The following CYRIA variants were observed in gnomAD, a reference collection of about 807,000 sequenced individuals.
CYRIA encodes CYFIP related Rac1 interactor A, also known as CYFIP-related Rac1 interactor A.
CYRIA carries 15 observed loss-of-function variants against 43.9 expected under a neutral mutation model. The ratio of observed to expected loss-of-function variants is 0.34; its 90% CI spans 0.23 to 0.53. The LOEUF (loss-of-function observed/expected upper bound fraction) is 0.53, where lower values mean the gene tolerates loss of function less well. CYRIA is among the 20% of genes least tolerant of loss of function. CYRIA has a pLI of 0.94. For synonymous variants in CYRIA, 117 were observed against 136.0 expected, an observed-to-expected ratio of 0.86 and a Z score of 0.97; for missense variants, 236 against 394.2, an observed-to-expected ratio of 0.60 and a Z score of 3.40.
chr2:16,643,666 C>T (rs1035679417), intron 1 of CYRIA, among the ~76,000 whole-genome samples: 5 of 152,230 alleles, frequency 3.3e-5, no homozygotes, highest in South Asian at 2.1e-4. Flanking sequence ...TATCTGTATT[C>T]GCCCACAATC....
At chr2:16,606,357 C>A (rs1433197633) in intron 2 of CYRIA, among the ~76,000 whole-genome samples, 1 of 151,082 alleles carries the variant, frequency 6.6e-6, no homozygotes, top group Non-Finnish European at 1.5e-5. Flanking sequence ...CTTCCCGATG[C>A]CCTTCTCTTG....
intron 1 of CYRIA, among the ~76,000 whole-genome samples, chr2:16,660,336 C>T (rs567536813): frequency 1.3e-5 from 2 of 152,272 alleles, no homozygotes; most frequent in African/African-American, 2.4e-5. Flanking sequence ...CCAGGACAAG[C>T]GTGTTTCTGT....
chr2:16,570,720 C>T (rs950768239), intron 3 of CYRIA, among the ~76,000 whole-genome samples: 2 of 152,134 alleles, frequency 1.3e-5, no homozygotes, highest in African/African-American at 4.8e-5. Context: ...CTTGGCTTTT[C>T]TATTTTTAAC....
At chr2:16,655,056 C>T (rs1011531519) in intron 1 of CYRIA, among the ~76,000 whole-genome samples, 4 of 152,226 alleles carry the variant, frequency 2.6e-5, no homozygotes, top group Middle Eastern at 3.4e-3. Context: ...GAAAGAGGGA[C>T]GAGGCCTTGA....
chr2:16,605,738 A>G (rs1339627257), intron 2 of CYRIA, among the ~76,000 whole-genome samples: 4 of 152,362 alleles, frequency 2.6e-5, no homozygotes, highest in Non-Finnish European at 4.4e-5. Flanking sequence ...AATTCGCTTA[A>G]ACAGGCTGTC....
intron 2 of CYRIA, among the ~76,000 whole-genome samples, chr2:16,590,993 T>C (rs1436385896): frequency 6.6e-6 from 1 of 152,130 alleles, no homozygotes; most frequent in Non-Finnish European, 1.5e-5. Flanking sequence ...TATTTTTAAT[T>C]GGACCCAGAG....
At chr2:16,656,281 T>C (rs1670110390) in intron 1 of CYRIA, among the ~76,000 whole-genome samples, 1 of 151,652 alleles carries the variant, frequency 6.6e-6, no homozygotes, top group Admixed American at 6.6e-5. Context: ...CATCCACATA[T>C]CCACACCCAC....
rs563412083 is a variant in CYRIA, at chr2:16,559,655, T to C, written c.711-69A>G. ...CATGTGCGTTCTTTGGCCCCACAAC[T>C]GGATACTTTAGATGCCTCCAATCCT... On this transcript the variant is annotated intron_variant, in intron 9 of 11. Coordinates refer to ENST00000381323, the MANE Select transcript of CYRIA (RefSeq NM_030797.4). 122 of 1,562,278 alleles carry C rather than the reference T, an allele frequency of 7.8e-5. No homozygotes were observed. The African/African-American group carries it at 1.5e-3, about 20-fold the overall frequency.
chr2:16,639,046 T>C (rs1487664838), intron 1 of CYRIA, among the ~76,000 whole-genome samples: 2 of 152,240 alleles, frequency 1.3e-5, no homozygotes, highest in Admixed American at 1.3e-4. Flanking sequence ...ATCTCAGAAC[T>C]TTAAAATATC....
At chr2:16,621,334 C>T (rs1209988422) in intron 2 of CYRIA, among the ~76,000 whole-genome samples, 1 of 152,202 alleles carries the variant, frequency 6.6e-6, no homozygotes, top group Admixed American at 6.5e-5. Flanking sequence ...CAACTGTTTA[C>T]ATCAACCTAC....
intron 1 of CYRIA, chr2:16,625,670 G>T (rs1669140136): frequency 6.6e-6 from 1 of 152,184 alleles, no homozygotes; most frequent in South Asian, 2.1e-4. Context: ...CTCAGGTGTA[G>T]ACATGGAAGG....
intron 1 of CYRIA, among the ~76,000 whole-genome samples, chr2:16,633,076 A>G (rs1669375745): frequency 6.6e-6 from 1 of 152,216 alleles, no homozygotes; most frequent in Non-Finnish European, 1.5e-5. Flanking sequence ...CACTTCTAAT[A>G]AAATCCATAT....
intron 2 of CYRIA, among the ~76,000 whole-genome samples, chr2:16,614,923 A>G (rs1572508256): frequency 6.6e-6 from 1 of 152,304 alleles, no homozygotes; most frequent in East Asian, 1.9e-4. Context: ...ACTGCGGCAC[A>G]GCAAGATTCT....
intron 3 of CYRIA, among the ~76,000 whole-genome samples, chr2:16,566,645 C>A (rs1326596071): frequency 6.6e-6 from 1 of 152,164 alleles, no homozygotes; most frequent in Non-Finnish European, 1.5e-5. Context: ...ACTGAAGCTT[C>A]CATAATGAAA....
At chr2:16,607,578 C>T (rs1193641580) in intron 2 of CYRIA, among the ~76,000 whole-genome samples, 1 of 152,120 alleles carries the variant, frequency 6.6e-6, no homozygotes, top group Admixed American at 6.5e-5. Context: ...AGGGCTCCTG[C>T]CTCCTTGCTT....
chr2:16,582,922 T>C (rs925844151), intron 3 of CYRIA, among the ~76,000 whole-genome samples: 4 of 152,200 alleles, frequency 2.6e-5, no homozygotes, highest in African/African-American at 9.6e-5. Context: ...GTTTAAACTT[T>C]TGAAGAATTT....
chr2:16,571,757 C>T (rs745664369), intron 3 of CYRIA, among the ~76,000 whole-genome samples: 4 of 152,194 alleles, frequency 2.6e-5, no homozygotes, highest in Non-Finnish European at 5.9e-5. Context: ...TTCGCCAAAG[C>T]TGTAAATTAA....
At chr2:16,564,745 A>C (rs1044917149) in intron 4 of CYRIA, among the ~76,000 whole-genome samples, 10 of 152,190 alleles carry the variant, frequency 6.6e-5, no homozygotes, top group Non-Finnish European at 2.9e-5. Context: ...TAATGCTTTC[A>C]CATAAAAAGA....
chr2:16,561,321 C>A, intron 7 of CYRIA, 44 bp from the exon 8 acceptor site: 1 of 1,497,704 alleles, frequency 6.7e-7, no homozygotes, highest in Non-Finnish European at 9.3e-7. Flanking sequence ...AAGAGAAAGT[C>A]CAAATCCTCC....
Sources: allele counts gnomAD v4.1 joint callset (sites outside exome capture counted in the v4.1 genomes callset), GRCh38; gene constraint gnomAD v4.1.1; transcripts MANE v1.5; gene names NCBI Gene and HGNC (gene_info 2026-07-23, HGNC 2026-07-21).